Variants in PPARD observed in about 807,000 individuals in gnomAD.
The protein encoded by PPARD is peroxisome proliferator-activated receptor delta.
PPARD carries 6 observed loss-of-function variants against 39.5 expected under a neutral mutation model. That is an observed-to-expected ratio of 0.15 (90% CI 0.08 to 0.30). The LOEUF (loss-of-function observed/expected upper bound fraction) is 0.30. PPARD is among the 10% of genes least tolerant of loss of function. The pLI is 1.00. For missense variants in PPARD, 397 were observed against 596.8 expected (o/e 0.67, Z 3.49); for synonymous variants, 210 against 231.3 (o/e 0.91, Z 0.83).
intron 2 of PPARD, among the ~76,000 whole-genome samples, chr6:35,383,094 A>T (rs922252659): frequency 1.3e-5 from 2 of 152,044 alleles, no homozygotes; most frequent in African/African-American, 4.8e-5. Context: ...GTGGAGAGGC[A>T]GATCTAGGTG....
chr6:35,364,747 T>A (rs1305786584), intron 2 of PPARD, among the ~76,000 whole-genome samples: 1 of 151,672 alleles, frequency 6.6e-6, no homozygotes, highest in Non-Finnish European at 1.5e-5. Flanking sequence ...AGACGGGGTC[T>A]CACTCTGTCT....
chr6:35,420,127 A>C lies in PPARD; in HGVS notation c.131A>C (p.Asp44Ala). The C allele has an allele frequency of 6.2e-7, 1 of 1,611,684 alleles. No individual in the cohort carries two copies. Among genetic ancestry groups the C allele is most frequent in the Non-Finnish European group, 8.5e-7 (1 of 1,179,504 alleles). ...CTGCCCCTCCATCGTGTGTCCGCAG[A>C]CCTCTCCCGGAGCTCCTCGCCACCC... ...QHALPSSSYT[D>A]LSRSSSPPSL... The change falls in exon 4 of 8, where the codon GAC becomes GCC. Residue 44 changes from aspartate to alanine, a missense_variant and splice_region_variant. Asp to Ala is a moderately radical substitution (Grantham distance 126, BLOSUM62 -2). Transcript: ENST00000360694.
At chr6:35,413,699 T>G (rs1765572310) in intron 3 of PPARD, among the ~76,000 whole-genome samples, 1 of 151,434 alleles carries the variant, frequency 6.6e-6, no homozygotes, top group Non-Finnish European at 1.5e-5. Flanking sequence ...TTTTTTTTTT[T>G]GAGACAGAGC....
Position 35,424,993 on chromosome 6 carries a change from C to G in PPARD, c.1078+214C>G, listed in dbSNP as rs1158380501. The G allele has an allele frequency of 1.4e-6, 2 of 1,408,182 alleles. No individual in the cohort carries two copies. The highest frequency in any genetic ancestry group is 1.8e-6 in the Non-Finnish European group (2 of 1,083,494). The allele number at this position is 1,408,182 out of a possible 1,614,324, so 87.2% of individuals were successfully genotyped here. On this transcript the variant is annotated intron_variant, in intron 7 of 7. Transcript: ENST00000360694. This position sits in a 1 kb window ranked among gnomAD's most constrained non-coding sequence, Gnocchi z 7.1. ...AGGTGGAGACAGGAAAAAGACTAAG[C>G]CAGACGTGGTGGCTCACACCTGTAA...
chr6:35,391,173 G>T (rs895978075), intron 2 of PPARD, among the ~76,000 whole-genome samples: 3 of 152,186 alleles, frequency 2.0e-5, no homozygotes, highest in Non-Finnish European at 4.4e-5. Context: ...AAATGCGGAA[G>T]AGAGCATTAA....
chr6:35,376,052 C>T (rs1177187315), intron 2 of PPARD, among the ~76,000 whole-genome samples: 1 of 152,174 alleles, frequency 6.6e-6, no homozygotes, highest in African/African-American at 2.4e-5. Context: ...TCTCCATCTT[C>T]TTGCTCAGGA....
intron 4 of PPARD, 127 bp from the exon 5 acceptor site, chr6:35,421,693 C>A: frequency 9.5e-7 from 1 of 1,047,410 alleles, no homozygotes; most frequent in South Asian, 2.0e-5. Flanking sequence ...ATCTCCCCTC[C>A]AAAAAAATTT....
intron 2 of PPARD, among the ~76,000 whole-genome samples, chr6:35,369,105 T>G (rs1329734726): frequency 1.3e-5 from 2 of 152,198 alleles, no homozygotes; most frequent in Non-Finnish European, 2.9e-5. Flanking sequence ...TAAATAAACT[T>G]CTATATTTTA....
chr6:35,383,826 C>T (rs1763326200), intron 2 of PPARD, among the ~76,000 whole-genome samples: 1 of 147,088 alleles, frequency 6.8e-6, no homozygotes, highest in Admixed American at 6.6e-5. Flanking sequence ...GGAGACCCTC[C>T]ACCCGGCAGC....
At chr6:35,403,901 C>G (rs1469001051) in intron 2 of PPARD, among the ~76,000 whole-genome samples, 2 of 152,170 alleles carry the variant, frequency 1.3e-5, no homozygotes, top group Non-Finnish European at 2.9e-5. Context: ...TCATGAGGCA[C>G]ATAGGCAGGC....
chr6:35,394,120 C>T (rs928426556), intron 2 of PPARD, among the ~76,000 whole-genome samples: 3 of 152,224 alleles, frequency 2.0e-5, no homozygotes, highest in African/African-American at 7.2e-5. Flanking sequence ...CCTCATTCTC[C>T]CTTCCCTCCT....
In PPARD at chr6:35,417,349, T is replaced by C. The variant is rs61578253; in HGVS notation, c.131-2778T>C. 2.6e-3 allele frequency among the ~76,000 whole-genome samples: 390 copies of C among 152,162 alleles called. 6 individuals carry two copies. The highest frequency in any genetic ancestry group is 9.2e-3 in the African/African-American group (380 of 41,508). On this transcript the variant is annotated intron_variant, in intron 3 of 7. Transcript: ENST00000360694. ...GACAGTCTTGCTTTATCACCCAGGC[T>C]GGTATACGATGGCACAATCACAGCT... is the stretch of plus-strand genomic sequence containing the variant.
chr6:35,379,027 A>G (rs1484727682), intron 2 of PPARD, among the ~76,000 whole-genome samples: 2 of 152,002 alleles, frequency 1.3e-5, no homozygotes, highest in African/African-American at 4.8e-5. Context: ...CCTTGGCTGG[A>G]ATTTCAGGAA....
At chr6:35,385,887 CA>C (rs886292758) in intron 2 of PPARD, among the ~76,000 whole-genome samples, 2 of 151,816 alleles carry the variant, frequency 1.3e-5, no homozygotes, top group Non-Finnish European at 2.9e-5. Context: ...GGAAGCCAGC[CA>C]AGAACAGAAT....
At chr6:35,402,469 T>A (rs1330637055) in intron 2 of PPARD, among the ~76,000 whole-genome samples, 3 of 152,206 alleles carry the variant, frequency 2.0e-5, no homozygotes, top group South Asian at 2.1e-4. Context: ...TGTGGCAGCT[T>A]TCCTATCCCT....
chr6:35,350,303 C>T lies in PPARD; in HGVS notation c.-102+3153C>T, dbSNP rs141014324. Among the ~76,000 whole-genome samples the T allele has an allele frequency of 1.6e-3, 242 of 152,190 alleles. 1 individual carries two copies. Among genetic ancestry groups the T allele is most frequent in the African/African-American group, 5.6e-3 (232 of 41,532 alleles). ...TTTTTGCTTTGGTTGCCTGTGCTTG[C>T]GGGGTATTGCTCAAGAAATTTTTGC... On this transcript the variant is annotated intron_variant, in intron 2 of 7. Transcript: ENST00000360694.
chr6:35,396,180 A>C (rs1403128589), intron 2 of PPARD, among the ~76,000 whole-genome samples: 2 of 150,810 alleles, frequency 1.3e-5, no homozygotes, highest in East Asian at 3.9e-4. Context: ...TCTTCTTTGA[A>C]ACTCTTAAGT....
In PPARD at chr6:35,425,070, C is replaced by T. The variant is rs951910615; in HGVS notation, c.1078+291C>T. The T allele has an allele frequency of 1.3e-5, 14 of 1,110,070 alleles. No individual in the cohort carries two copies. Among genetic ancestry groups the T allele is most frequent in the Middle Eastern group, 3.8e-4 (1 of 2,662 alleles). The allele number at this position is 1,110,070 out of a possible 1,614,324, so 68.8% of individuals were successfully genotyped here. A position where few individuals can be genotyped will look rare whatever the true frequency, so the allele number is the denominator to read the frequency against. On this transcript the variant is annotated intron_variant, in intron 7 of 7. Transcript: ENST00000360694. The surrounding 1 kb of genome is among the most constrained non-coding windows in gnomAD (Gnocchi z 4.5). Reference sequence around the variant, plus strand: ...GGTGGATCACTTGAGGTCAGGAGTTCGAAACCAGCCTGGCCAACATGGTGA... The same window carrying T: ...GGTGGATCACTTGAGGTCAGGAGTTTGAAACCAGCCTGGCCAACATGGTGA...
chr6:35,377,029 AAAAG>A (rs1273400921), intron 2 of PPARD, among the ~76,000 whole-genome samples: 1 of 149,230 alleles, frequency 6.7e-6, no homozygotes, highest in Non-Finnish European at 1.5e-5. Context: ...CAAAAAAAAA[AAAAG>A]AAAGGGTGAC....
Sources: gnomAD v4.1 joint callset for allele counts (sites outside exome capture counted in the v4.1 genomes callset) on GRCh38, gnomAD v4.1.1 for gene constraint, Gnocchi (gnomAD v3.1) non-coding constraint, MANE v1.5 for transcripts, NCBI Gene and HGNC (gene_info 2026-07-23, HGNC 2026-07-21) for gene names.